The following PREX2 variants were observed in gnomAD, a reference collection of about 807,000 sequenced individuals.
PREX2 encodes the protein phosphatidylinositol 3,4,5-trisphosphate-dependent Rac exchanger 2 protein.
In PREX2, 107 loss-of-function variants were observed where a neutral mutation model predicts 203.2. The observed-to-expected ratio is 0.53, with a 90% confidence interval of 0.45 to 0.62. PREX2 has a LOEUF of 0.62. Among genes scored for constraint, PREX2 ranks in the 20% least tolerant of loss-of-function variants. PREX2 has a pLI of 0.00. For missense variants in PREX2, 1,777 were observed against 1,955.9 expected (o/e 0.91, Z 1.72); for synonymous variants, 672 against 663.6 (o/e 1.01, Z -0.19).
chr8:68,042,835 A>C (rs193258151), intron 7 of PREX2, among the ~76,000 whole-genome samples: 1 of 152,240 alleles, frequency 6.6e-6, no homozygotes, highest in African/African-American at 2.4e-5. Context: ...GTTGAATATT[A>C]ATATCTGCAG....
intron 10 of PREX2, among the ~76,000 whole-genome samples, chr8:68,057,773 A>T (rs1002803970): frequency 1.3e-5 from 2 of 152,188 alleles, no homozygotes; most frequent in Non-Finnish European, 2.9e-5. Flanking sequence ...CAAATTAGCC[A>T]CCAGGGGTCA....
At chr8:68,044,060 CT>C (rs984064721) in intron 7 of PREX2, among the ~76,000 whole-genome samples, 3 of 151,936 alleles carry the variant, frequency 2.0e-5, no homozygotes, top group Non-Finnish European at 2.9e-5. Context: ...ATAGCCAATT[CT>C]TTGAAGAGGG....
At chr8:67,956,996 G>A (rs1286970122) in intron 1 of PREX2, among the ~76,000 whole-genome samples, 1 of 152,180 alleles carries the variant, frequency 6.6e-6, no homozygotes, top group African/African-American at 2.4e-5. Flanking sequence ...GCATTTCTCA[G>A]GGGTATTGTA....
intron 1 of PREX2, among the ~76,000 whole-genome samples, chr8:67,998,317 G>A (rs4392879): frequency 0.69 from 104,342 of 152,064 alleles, 36,036 homozygotes; most frequent in South Asian, 0.81. Context: ...TTATAGTGGG[G>A]AAAGTTCTGT....
At position 68,087,618 on chromosome 8, in the gene PREX2, G is replaced by A. The variant is rs1056257845; in HGVS notation, c.2028-106G>A. On this transcript the variant is annotated intron_variant, in intron 18 of 39. Coordinates refer to ENST00000288368, the MANE Select transcript of PREX2 (RefSeq NM_024870.4). ...CTAGCCCAACATCTTTCACACTGTA[G>A]ATCCTCAATATGTATTTATTGAGAG... 4.7e-6 allele frequency: 4 copies of A among 844,626 alleles called. No homozygotes were observed. The African/African-American group carries it at 5.0e-5, about 11-fold the overall frequency. The allele number at this position is 844,626 out of a possible 1,614,324, so 52.3% of individuals were successfully genotyped here.
intron 4 of PREX2, among the ~76,000 whole-genome samples, chr8:68,026,309 C>T (rs957133559): frequency 6.6e-6 from 1 of 151,942 alleles, no homozygotes; most frequent in Admixed American, 6.6e-5. Flanking sequence ...TACTGATCAA[C>T]ACTCAGCCTC....
chr8:68,014,452 G>A (rs547042263), intron 1 of PREX2, among the ~76,000 whole-genome samples: 1 of 152,102 alleles, frequency 6.6e-6, no homozygotes, highest in Non-Finnish European at 1.5e-5. Flanking sequence ...GGGTGCGGGG[G>A]GGGCGGCATA....
intron 37 of PREX2, among the ~76,000 whole-genome samples, chr8:68,197,612 A>G (rs1812422691): frequency 6.6e-6 from 1 of 151,704 alleles, no homozygotes; most frequent in African/African-American, 2.4e-5. Context: ...ATTGGTGGTC[A>G]AGTTTCAATG....
At chr8:68,018,524 G>A (rs1807471818) in intron 2 of PREX2, among the ~76,000 whole-genome samples, 1 of 151,994 alleles carries the variant, frequency 6.6e-6, no homozygotes, top group African/African-American at 2.4e-5. Flanking sequence ...CAATGTTTTG[G>A]AGAAGGAGGG....
intron 35 of PREX2, among the ~76,000 whole-genome samples, chr8:68,165,566 G>A (rs1811745527): frequency 6.6e-6 from 1 of 152,036 alleles, no homozygotes; most frequent in Admixed American, 6.6e-5. Context: ...TGTCACAAGA[G>A]GAGTTTCAGG....
intron 34 of PREX2, among the ~76,000 whole-genome samples, chr8:68,152,064 T>C (rs1417159987): frequency 3.3e-5 from 5 of 151,240 alleles, no homozygotes; most frequent in South Asian, 2.1e-4. Context: ...CTGAGGTGGG[T>C]GGATCACGAG....
intron 11 of PREX2, among the ~76,000 whole-genome samples, chr8:68,064,791 A>G (rs1294471028): frequency 6.6e-6 from 1 of 152,152 alleles, no homozygotes; most frequent in Non-Finnish European, 1.5e-5. Flanking sequence ...AATACTGTGT[A>G]ATGAGTGCCA....
intron 35 of PREX2, among the ~76,000 whole-genome samples, chr8:68,185,046 C>T (rs943142799): frequency 3.9e-5 from 6 of 152,158 alleles, no homozygotes; most frequent in African/African-American, 7.2e-5. Context: ...CTCTGTCTCA[C>T]GGCAAACATC....
At chr8:68,165,266 CT>C (rs1811739201) in intron 35 of PREX2, among the ~76,000 whole-genome samples, 1 of 152,004 alleles carries the variant, frequency 6.6e-6, no homozygotes. Context: ...AATCTCAGTA[CT>C]TTTATTTTCA....
intron 35 of PREX2, among the ~76,000 whole-genome samples, chr8:68,164,346 T>C (rs1811712008): frequency 1.0e-5 from 1 of 95,318 alleles, no homozygotes; most frequent in African/African-American, 3.7e-5. Flanking sequence ...GGCCTTAATA[T>C]GTATTATATA....
At chr8:67,969,927 C>A (rs990602620) in intron 1 of PREX2, among the ~76,000 whole-genome samples, 8 of 152,166 alleles carry the variant, frequency 5.3e-5, no homozygotes, top group African/African-American at 1.9e-4. Flanking sequence ...ATCTTATGCC[C>A]ATCATCTGAG....
chr8:68,144,358 AT>A (rs1339910155), intron 33 of PREX2, among the ~76,000 whole-genome samples: 2 of 151,978 alleles, frequency 1.3e-5, no homozygotes, highest in African/African-American at 4.8e-5. Flanking sequence ...GTTCTTAAAA[AT>A]TTTTTTCATC....
chr8:68,136,906 CA>C (rs1811123332), intron 32 of PREX2, among the ~76,000 whole-genome samples: 1 of 151,528 alleles, frequency 6.6e-6, no homozygotes, highest in Admixed American at 6.6e-5. Flanking sequence ...GAGGTTACAG[CA>C]ACTTTTTTTT....
At chr8:68,225,720 T>C (rs892333798) in intron 39 of PREX2, among the ~76,000 whole-genome samples, 1 of 152,344 alleles carries the variant, frequency 6.6e-6, no homozygotes, top group Non-Finnish European at 1.5e-5. Flanking sequence ...CTCCTAACTC[T>C]ATTTAATCCT....
Sources: gnomAD v4.1 joint callset for allele counts (sites outside exome capture counted in the v4.1 genomes callset) on GRCh38, gnomAD v4.1.1 for gene constraint, MANE v1.5 for transcripts, NCBI Gene and HGNC (gene_info 2026-07-23, HGNC 2026-07-21) for gene names.